The following PPARGC1B variants were observed in gnomAD, a reference collection of about 807,000 sequenced individuals.
PPARGC1B encodes peroxisome proliferator-activated receptor gamma coactivator 1-beta.
Under a neutral mutation model 101.6 loss-of-function variants are expected in PPARGC1B, and 34 were observed. That is an observed-to-expected ratio of 0.33 (90% CI 0.25 to 0.45). The LOEUF (loss-of-function observed/expected upper bound fraction) is 0.45, where lower values mean the gene tolerates loss of function less well. Ranked by LOEUF, PPARGC1B falls within the 20% of genes least tolerant of loss-of-function variation. PPARGC1B has a pLI of 1.00. For synonymous variants in PPARGC1B, 548 were observed against 539.3 expected (o/e 1.02, Z -0.22); for missense variants, 1,234 against 1,317.6 (o/e 0.94, Z 0.98).
downstream of PPARGC1B, among the ~76,000 whole-genome samples, chr5:149,857,104 C>T (rs117574636): frequency 5.1e-4 from 78 of 152,206 alleles, no homozygotes; most frequent in East Asian, 0.012. Flanking sequence ...TTGGCTCTAC[C>T]GCTTATCAGC....
In PPARGC1B at chr5:149,851,641, G is replaced by A. The variant is rs1004824035; in HGVS notation, c.*4083G>A. On this transcript the variant is annotated 3_prime_UTR_variant, in exon 12 of 12. Transcript: ENST00000309241. Reference sequence around the variant, plus strand: ...GGACCCTGTCATCCTTACCAATGGGGAAGAAGAAAACTAGTGCATGTGCAA... The same window carrying A: ...GGACCCTGTCATCCTTACCAATGGGAAAGAAGAAAACTAGTGCATGTGCAA... 3.9e-5 allele frequency: 6 copies of A among 152,120 alleles called. No individual in the cohort carries two copies. Among genetic ancestry groups the A allele is most frequent in the Non-Finnish European group, 5.9e-5 (4 of 68,058 alleles). The allele number at this position is 152,120 out of a possible 1,614,324, so 9.4% of individuals were successfully genotyped here.
Position 149,847,795 on chromosome 5 carries a change from C to A in PPARGC1B, c.*237C>A. On this transcript the variant is annotated 3_prime_UTR_variant, in exon 12 of 12. Coordinates refer to ENST00000309241, the MANE Select transcript of PPARGC1B (RefSeq NM_133263.4). ...TGACGTTCCACTGCCACATTAGTGTCCTCGCTTCCAACGGGTTGTCCCGGG... is the reference window on the plus strand; with the variant it reads ...TGACGTTCCACTGCCACATTAGTGTACTCGCTTCCAACGGGTTGTCCCGGG... 1.9e-6 allele frequency: 1 copy of A among 525,520 alleles called. No homozygotes were observed. The highest frequency in any genetic ancestry group is 3.4e-6 in the Non-Finnish European group (1 of 294,510). 32.6% of individuals were successfully genotyped at this position (525,520 alleles called of 1,614,324 possible).
chr5:149,794,423 A>G (rs1038923730), intron 1 of PPARGC1B, among the ~76,000 whole-genome samples: 4 of 150,456 alleles, frequency 2.7e-5, no homozygotes, highest in Non-Finnish European at 4.5e-5. Context: ...TTGGGAGCCT[A>G]TGGCAGCAGA....
chr5:149,746,801 A>T (rs1755109559), intron 1 of PPARGC1B, among the ~76,000 whole-genome samples: 1 of 152,154 alleles, frequency 6.6e-6, no homozygotes, highest in Admixed American at 6.5e-5. Context: ...AGCCATCCTA[A>T]TGGATGTGAG....
At chr5:149,770,669 C>T (rs1307105880) in intron 1 of PPARGC1B, among the ~76,000 whole-genome samples, 1 of 150,056 alleles carries the variant, frequency 6.7e-6, no homozygotes, top group African/African-American at 2.5e-5. Flanking sequence ...CCTGTCTCTA[C>T]CAAAAAAAAA....
At chr5:149,834,228 G>T (rs1758949810) in intron 5 of PPARGC1B, among the ~76,000 whole-genome samples, 1 of 152,212 alleles carries the variant, frequency 6.6e-6, no homozygotes, top group Non-Finnish European at 1.5e-5. Flanking sequence ...TGCTGGCACT[G>T]GTCTCAGATG....
At chr5:149,792,416 C>T (rs1384870319) in intron 1 of PPARGC1B, among the ~76,000 whole-genome samples, 1 of 152,088 alleles carries the variant, frequency 6.6e-6, no homozygotes, top group Non-Finnish European at 1.5e-5. Context: ...AAGGCCAAGA[C>T]CTTTTCCAAG....
Position 149,826,752 on chromosome 5 carries a change from C to T in PPARGC1B, c.332C>T (p.Ala111Val), listed in dbSNP as rs1432590201. 1 of 1,614,122 alleles carries T rather than the reference C, an allele frequency of 6.2e-7. No homozygotes were observed. Among genetic ancestry groups the T allele is most frequent in the Admixed American group, 1.7e-5 (1 of 60,020 alleles). ...ATCCCTGAAGATGACGTGGGTCTGGCTGCCTTCCCAGCCCTGGATGGTGGA... is the reference window on the plus strand; with the variant it reads ...ATCCCTGAAGATGACGTGGGTCTGGTTGCCTTCCCAGCCCTGGATGGTGGA... Reference protein sequence around the residue: ...DDIPEDDVGLAAFPALDGGDA... With the variant: ...DDIPEDDVGLVAFPALDGGDA... The change falls in exon 3 of 12, where the codon GCT becomes GTT. Residue 111 changes from alanine (A) to valine (V), a missense_variant. Physicochemically the swap from Ala to Val is moderately conservative, Grantham distance 64. Coordinates refer to ENST00000309241, the MANE Select transcript of PPARGC1B (RefSeq NM_133263.4).
chr5:149,810,427 G>C (rs945503342), intron 1 of PPARGC1B, among the ~76,000 whole-genome samples: 2 of 152,196 alleles, frequency 1.3e-5, no homozygotes, highest in African/African-American at 4.8e-5. Context: ...AGCTGACCTC[G>C]GTGCTGAAGG....
rs182546041 is a variant in PPARGC1B at position 149,746,132 on chromosome 5, G to A, written c.78+15712G>A. Among the ~76,000 whole-genome samples the A allele has an allele frequency of 2.7e-3, 411 of 152,270 alleles. 5 individuals carry two copies. Among genetic ancestry groups the A allele is most frequent in the South Asian group, 0.023 (112 of 4,818 alleles). ...GCTTCCACAGTGTGGTCAGGGTGTG[G>A]CTCCACTGATAATAGAATTAGTCTT... On this transcript the variant is annotated intron_variant, in intron 1 of 11. Coordinates refer to ENST00000309241, the MANE Select transcript of PPARGC1B (RefSeq NM_133263.4).
chr5:149,760,568 G>A (rs1303810416), intron 1 of PPARGC1B, among the ~76,000 whole-genome samples: 1 of 152,204 alleles, frequency 6.6e-6, no homozygotes, highest in Non-Finnish European at 1.5e-5. Flanking sequence ...ATTGTCATCA[G>A]GGGGTGGCAG....
chr5:149,773,899 C>A (rs1756248521), intron 1 of PPARGC1B, among the ~76,000 whole-genome samples: 1 of 152,128 alleles, frequency 6.6e-6, no homozygotes, highest in Non-Finnish European at 1.5e-5. Flanking sequence ...GCTCAGCCTG[C>A]CCCACCTCTG....
intron 1 of PPARGC1B, among the ~76,000 whole-genome samples, chr5:149,762,394 C>T (rs909336771): frequency 6.6e-6 from 1 of 152,086 alleles, no homozygotes; most frequent in African/African-American, 2.4e-5. Context: ...TGATCCTCCC[C>T]ACCTTGGACT....
chr5:149,781,331 G>T (rs767003555), intron 1 of PPARGC1B, among the ~76,000 whole-genome samples: 2 of 152,178 alleles, frequency 1.3e-5, no homozygotes, highest in Admixed American at 6.5e-5. Flanking sequence ...TGACAGGTTG[G>T]CTGTCCTTTG....
intron 1 of PPARGC1B, among the ~76,000 whole-genome samples, chr5:149,783,684 C>G (rs1015294308): frequency 6.6e-6 from 1 of 152,198 alleles, no homozygotes; most frequent in South Asian, 2.1e-4. Flanking sequence ...GTCCCTCTCC[C>G]TCTCCGGGTT....
At chr5:149,738,107 C>G (rs1251371906) in intron 1 of PPARGC1B, among the ~76,000 whole-genome samples, 1 of 152,230 alleles carries the variant, frequency 6.6e-6, no homozygotes, top group Non-Finnish European at 1.5e-5. Flanking sequence ...ATCTCTTCAT[C>G]TATAGATCAT....
At chr5:149,760,266 T>C (rs923024926) in intron 1 of PPARGC1B, among the ~76,000 whole-genome samples, 2 of 152,148 alleles carry the variant, frequency 1.3e-5, no homozygotes, top group Non-Finnish European at 2.9e-5. Flanking sequence ...CAGCAGTTCC[T>C]GGGAAGAATT....
rs1302913004 is a variant in PPARGC1B at position 149,850,381 on chromosome 5, C to T, written c.*2823C>T. On this transcript the variant is annotated 3_prime_UTR_variant, in exon 12 of 12. Transcript: ENST00000309241. ...GTTAGCTTAGACGTTGGCCCTTGAG[C>T]AGAGACCTGAGCGTGGCATTGGGAC... 6.6e-6 allele frequency: 1 copy of T among 152,196 alleles called. No homozygotes were observed. The highest frequency in any genetic ancestry group is 1.5e-5 in the Non-Finnish European group (1 of 68,048). 9.4% of individuals were successfully genotyped at this position (152,196 alleles called of 1,614,324 possible).
At chr5:149,795,044 C>T (rs766338055) in intron 1 of PPARGC1B, among the ~76,000 whole-genome samples, 3 of 152,240 alleles carry the variant, frequency 2.0e-5, no homozygotes, top group Non-Finnish European at 4.4e-5. Context: ...AGACTTCCCA[C>T]TCTGGGCCTC....
Sources: allele counts gnomAD v4.1 joint callset (sites outside exome capture counted in the v4.1 genomes callset), GRCh38; gene constraint gnomAD v4.1.1; transcripts MANE v1.5; gene names NCBI Gene and HGNC (gene_info 2026-07-23, HGNC 2026-07-21).